Variants in KCTD3 observed in about 807,000 individuals in gnomAD.
KCTD3 encodes BTB/POZ domain-containing protein KCTD3.
A neutral mutation model predicts 85.8 loss-of-function variants in KCTD3; 41 were observed. The observed-to-expected ratio is 0.48, with a 90% CI of 0.37 to 0.62. The LOEUF (loss-of-function observed/expected upper bound fraction) is 0.62, where lower values mean the gene tolerates loss of function less well. Ranked by LOEUF, KCTD3 falls within the 20% of genes least tolerant of loss-of-function variation. KCTD3 has a pLI of 0.00. For missense variants in KCTD3, 724 were observed against 989.9 expected (o/e 0.73, Z 3.60); for synonymous variants, 338 against 345.4 (o/e 0.98, Z 0.24).
chr1:215,591,763 T>C (rs1370915625), intron 9 of KCTD3, among the ~76,000 whole-genome samples: 1 of 152,206 alleles, frequency 6.6e-6, no homozygotes, highest in East Asian at 1.9e-4. Context: ...TCTGGCACAG[T>C]TCCCTTCCTT....
intron 9 of KCTD3, among the ~76,000 whole-genome samples, chr1:215,591,355 T>TTC (rs1660210507): frequency 6.8e-6 from 1 of 146,928 alleles, no homozygotes; most frequent in African/African-American, 2.5e-5. Flanking sequence ...TCTCTCTTTC[T>TTC]CTCTTTCTTC....
chr1:215,567,362 G>C lies in KCTD3; in HGVS notation c.-324G>C, dbSNP rs928674664. 1.1e-5 allele frequency: 2 copies of C among 181,710 alleles called. No individual in the cohort carries two copies. Among genetic ancestry groups the C allele is most frequent in the Admixed American group, 6.2e-5 (1 of 16,154 alleles). 11.3% of individuals were successfully genotyped at this position (181,710 alleles called of 1,614,324 possible). ...GCTGCGGTATTTTGTCCCGAACGGT[G>C]ACCCCTCCTCCCAGGCAGGCTGCGG... is the stretch of plus-strand genomic sequence containing the variant. On this transcript the variant is annotated 5_prime_UTR_variant, in exon 1 of 18. Transcript: ENST00000259154.
intron 12 of KCTD3, 91 bp from the exon 13 acceptor site, chr1:215,604,041 C>A (rs1424215591): frequency 1.0e-6 from 1 of 956,866 alleles, no homozygotes; most frequent in African/African-American, 1.6e-5. Context: ...GAATCCAGCT[C>A]TGCCTATTTT....
intron 9 of KCTD3, among the ~76,000 whole-genome samples, chr1:215,593,112 A>C (rs1049706744): frequency 6.6e-6 from 1 of 152,196 alleles, no homozygotes; most frequent in Non-Finnish European, 1.5e-5. Flanking sequence ...ACATGTTCAC[A>C]TTGTTTGTTA....
chr1:215,599,658 G>A (rs1324796982), intron 10 of KCTD3, among the ~76,000 whole-genome samples: 1 of 152,122 alleles, frequency 6.6e-6, no homozygotes, highest in Non-Finnish European at 1.5e-5. Flanking sequence ...CCTTGCTTGT[G>A]CTGGGAGAGA....
At chr1:215,614,716 T>G (rs1040320118) in intron 15 of KCTD3, among the ~76,000 whole-genome samples, 1 of 152,222 alleles carries the variant, frequency 6.6e-6, no homozygotes, top group African/African-American at 2.4e-5. Flanking sequence ...TAGGAGCCTT[T>G]GGCAGAGACT....
rs1350046939 is a variant in KCTD3 at position 215,620,310 on chromosome 1, G to A, written c.2140G>A (p.Val714Ile). The change falls in exon 18 of 18, where the codon GTA becomes ATA. Residue 714 changes from valine (V) to isoleucine (I), a missense_variant. Val to Ile is a conservative substitution (Grantham distance 29). Around this residue, in one of 6 missense-constraint regions of KCTD3, gnomAD observed 222 missense variants for 217.7 expected, o/e 1.02. Transcript: ENST00000259154. The stretch of plus-strand genomic sequence containing the variant: ...TATATCTGAGAGAAAGTCTCCTGGA[G>A]TAGAAATAAAAAGTTTGAGAGAATT... ...CNISERKSPG[V>I]EIKSLRELDS... is the part of the protein sequence containing the mutation. 1.2e-6 allele frequency: 2 copies of A among 1,613,880 alleles called. No individual in the cohort carries two copies. The highest frequency in any genetic ancestry group is 2.2e-5 in the East Asian group (1 of 44,892).
chr1:215,611,886 C>T lies in KCTD3; in HGVS notation c.1527C>T (p.Asn509=), dbSNP rs1655247818. The T allele has an allele frequency of 2.5e-6, 4 of 1,608,822 alleles. No homozygotes were observed. The East Asian group carries it at 8.9e-5, about 36-fold the overall frequency. ...TCCAGAAAGTTGTTCCCATCACCAA[C>T]AAACTATTTGTAAGACTCTCATCGA... ...VFIQKVVPIT[N]KLFVRLSSTG... is the part of the protein sequence containing the mutation. Residue 509 remains asparagine (N), a synonymous_variant, in exon 15 of 18, where the codon AAC becomes AAT. Transcript: ENST00000259154.
rs537205541 is a variant in KCTD3, at chr1:215,578,334, G to A, written c.397+253G>A. On this transcript the variant is annotated intron_variant, in intron 6 of 17. Transcript: ENST00000259154. ...ATCTCTGTGACAGCCACTTAACTCC[G>A]CTGTGTATACTACATGAAGACTAGG... 1.4e-3 allele frequency among the ~76,000 whole-genome samples: 217 copies of A among 152,198 alleles called. 2 individuals are homozygous for A. The highest frequency in any genetic ancestry group is 4.5e-3 in the African/African-American group (188 of 41,538).
chr1:215,597,173 A>G (rs974687949), intron 10 of KCTD3, among the ~76,000 whole-genome samples: 3 of 152,088 alleles, frequency 2.0e-5, no homozygotes, highest in African/African-American at 7.2e-5. Flanking sequence ...GACAGTTTCA[A>G]TAAAATATTA....
At position 215,620,569 on chromosome 1, in the gene KCTD3, C is replaced by T; in HGVS notation, c.2399C>T (p.Ser800Phe). ...CCATCTCCTACAAAGACTACTCCAT[C>T]TCCTCGGCATAAAAAAAGTGATTCT... is the stretch of plus-strand genomic sequence containing the variant. ...ASPSPTKTTPSPRHKKSDSSG... is the reference protein window; with the variant it reads ...ASPSPTKTTPFPRHKKSDSSG... The change falls in exon 18 of 18, where the codon TCT becomes TTT. Residue 800 changes from serine to phenylalanine, a missense_variant. Ser to Phe is a radical substitution (Grantham distance 155). Coordinates refer to ENST00000259154, the MANE Select transcript of KCTD3 (RefSeq NM_016121.5). 1.2e-6 allele frequency: 2 copies of T among 1,610,398 alleles called. No homozygotes were observed. Among genetic ancestry groups the T allele is most frequent in the East Asian group, 4.5e-5 (2 of 44,862 alleles).
chr1:215,611,038 C>A (rs1655214557), intron 14 of KCTD3, among the ~76,000 whole-genome samples: 1 of 151,700 alleles, frequency 6.6e-6, no homozygotes, highest in African/African-American at 2.4e-5. Context: ...ATTATTTTAG[C>A]TACTAAGTGT....
chr1:215,608,460 A>G (rs1571896556), intron 14 of KCTD3, among the ~76,000 whole-genome samples: 1 of 151,948 alleles, frequency 6.6e-6, no homozygotes. Context: ...ATTTATTATT[A>G]AAACTATGAT....
intron 12 of KCTD3, 23 bp downstream of exon 12, chr1:215,602,224 A>G: frequency 8.9e-7 from 1 of 1,118,000 alleles, no homozygotes; most frequent in Non-Finnish European, 1.3e-6. Flanking sequence ...CCAATTATAT[A>G]CATTCTTGAC....
chr1:215,575,574 T>G (rs541195738), intron 3 of KCTD3, among the ~76,000 whole-genome samples: 76 of 152,312 alleles, frequency 5.0e-4, no homozygotes, highest in African/African-American at 1.7e-3. Context: ...CTAGACTGTT[T>G]CAGATAAAAA....
At chr1:215,597,498 GGC>G (rs2102584997) in intron 10 of KCTD3, among the ~76,000 whole-genome samples, 1 of 152,178 alleles carries the variant, frequency 6.6e-6, no homozygotes, top group South Asian at 2.1e-4. Context: ...TTTGGAAGTT[GGC>G]TCTAGAAAGG....
rs756750863 is a variant in KCTD3, at chr1:215,577,660, T to G, written c.258-10T>G. 2 of 1,572,332 alleles carry G rather than the reference T, an allele frequency of 1.3e-6. No individual in the cohort carries two copies. Among genetic ancestry groups the G allele is most frequent in the Non-Finnish European group, 1.8e-6 (2 of 1,142,376 alleles). On this transcript the variant is annotated splice_polypyrimidine_tract_variant and intron_variant, in intron 4 of 17. Transcript: ENST00000259154. Reference sequence around the variant, plus strand: ...GTGTTAGAGAATTTACATCATTTGTTTCTTTGTAGGGGAGTGAGTATTAAT... The same window carrying G: ...GTGTTAGAGAATTTACATCATTTGTGTCTTTGTAGGGGAGTGAGTATTAAT...
chr1:215,597,999 C>G (rs1046454426), intron 10 of KCTD3, among the ~76,000 whole-genome samples: 1 of 151,734 alleles, frequency 6.6e-6, no homozygotes, highest in Non-Finnish European at 1.5e-5. Flanking sequence ...TTTAGACTTT[C>G]TAAATTTATA....
In KCTD3 at chr1:215,586,436, G is replaced by A. The variant is rs998944288; in HGVS notation, c.627-59G>A. 1.4e-5 allele frequency: 19 copies of A among 1,356,382 alleles called. No individual in the cohort carries two copies. In the Middle Eastern group the frequency reaches 1.1e-3, roughly 80 times the overall value. 84.0% of individuals were successfully genotyped at this position (1,356,382 alleles called of 1,614,324 possible). A position where few individuals can be genotyped will look rare whatever the true frequency, so the allele number is the denominator to read the frequency against. ...TTTTTTGTTTTTGGTGCATTGATGT[G>A]TATTCCGTTTGCTTCATTGCTGCTG... On this transcript the variant is annotated intron_variant, in intron 8 of 17. Transcript: ENST00000259154.
Sources: gnomAD v4.1 joint callset for allele counts (sites outside exome capture counted in the v4.1 genomes callset) on GRCh38, gnomAD v4.1.1 for gene constraint, gnomAD v4.1.1 regional missense constraint, MANE v1.5 for transcripts, NCBI Gene and HGNC (gene_info 2026-07-23, HGNC 2026-07-21) for gene names.